The following SESTD1 variants were observed in gnomAD, a reference collection of about 807,000 sequenced individuals.
SESTD1 encodes the protein SEC14 domain and spectrin repeat-containing protein 1.
A neutral mutation model predicts 101.7 loss-of-function variants in SESTD1; 43 were observed. The ratio of observed to expected loss-of-function variants is 0.42; its 90% CI spans 0.33 to 0.55. The LOEUF (loss-of-function observed/expected upper bound fraction) is 0.55. SESTD1 is among the 20% of genes least tolerant of loss of function. The pLI, the probability that SESTD1 is intolerant of heterozygous loss-of-function variation, is 0.07. For missense variants in SESTD1, 647 were observed against 815.1 expected (o/e 0.79, Z 2.51); for synonymous variants, 283 against 286.8 (o/e 0.99, Z 0.13).
intron 3 of SESTD1, among the ~76,000 whole-genome samples, chr2:179,180,432 A>C (rs987813047): frequency 6.6e-6 from 1 of 152,160 alleles, no homozygotes; most frequent in Non-Finnish European, 1.5e-5. Flanking sequence ...AAGGAGTTAA[A>C]CATTAACAGC....
chr2:179,117,619 G>A lies in SESTD1; in HGVS notation c.1443-6C>T, dbSNP rs199693613. 5.5e-5 allele frequency: 85 copies of A among 1,554,986 alleles called. No homozygotes were observed. Among genetic ancestry groups the A allele is most frequent in the Non-Finnish European group, 6.8e-5 (79 of 1,159,538 alleles). ...CATCTACCATGTCTTCACATCTAAT[G>A]AACCCAAACATAAATTTAACTCATC... On this transcript the variant is annotated splice_region_variant and splice_polypyrimidine_tract_variant and intron_variant, in intron 13 of 17. Coordinates refer to ENST00000428443, the MANE Select transcript of SESTD1 (RefSeq NM_178123.5).
chr2:179,224,182 A>G (rs1358547700), intron 1 of SESTD1, among the ~76,000 whole-genome samples: 1 of 152,200 alleles, frequency 6.6e-6, no homozygotes, highest in East Asian at 1.9e-4. Flanking sequence ...ACCTCCAAAT[A>G]AAAATAACAA....
chr2:179,124,400 T>G lies in SESTD1; in HGVS notation c.1131A>C (p.Leu377Phe). The G allele has an allele frequency of 6.2e-7, 1 of 1,614,120 alleles. No individual in the cohort carries two copies. Among genetic ancestry groups the G allele is most frequent in the Non-Finnish European group, 8.5e-7 (1 of 1,179,994 alleles). ...ASQLEFRQNL[L>F]QAALEFHGVA... The stretch of plus-strand genomic sequence containing the variant: ...CACCATGAAATTCAAGAGCTGCTTG[T>G]AAGAGATTTTGCCTAAATTCCAGCT... The change falls in exon 11 of 18, where the codon TTA (leucine) becomes TTC (phenylalanine). Residue 377 changes from leucine to phenylalanine, a missense_variant. Leu to Phe is a conservative substitution (Grantham distance 22). Transcript: ENST00000428443.
At chr2:179,261,123 C>T (rs1374646817) in intron 1 of SESTD1, among the ~76,000 whole-genome samples, 2 of 152,220 alleles carry the variant, frequency 1.3e-5, no homozygotes, top group Admixed American at 6.5e-5. Flanking sequence ...GGTTGAATCA[C>T]TCTGACTCTG....
chr2:179,203,530 G>C (rs970610752), intron 1 of SESTD1, among the ~76,000 whole-genome samples: 1 of 134,282 alleles, frequency 7.4e-6, no homozygotes, highest in African/African-American at 3.0e-5. Context: ...AGGTCCCCAT[G>C]CCTCCTCCCC....
intron 3 of SESTD1, among the ~76,000 whole-genome samples, chr2:179,181,843 T>A (rs541087827): frequency 2.0e-5 from 3 of 152,262 alleles, no homozygotes; most frequent in African/African-American, 7.2e-5. Flanking sequence ...AAGTTAGCAA[T>A]CCACAGCTTG....
At chr2:179,187,302 A>C (rs2046247688) in intron 2 of SESTD1, among the ~76,000 whole-genome samples, 2 of 152,182 alleles carry the variant, frequency 1.3e-5, no homozygotes, top group South Asian at 4.1e-4. Context: ...CACCCCACTT[A>C]AAAGACACCA....
chr2:179,117,721 C>G, intron 13 of SESTD1, 108 bp from the exon 14 acceptor site: 1 of 779,754 alleles, frequency 1.3e-6, no homozygotes, highest in Non-Finnish European at 1.9e-6. Context: ...ATACTTAGTC[C>G]TAAACAATGG....
At chr2:179,197,957 C>A (rs538388907) in intron 1 of SESTD1, among the ~76,000 whole-genome samples, 106 of 151,668 alleles carry the variant, frequency 7.0e-4, no homozygotes, top group African/African-American at 2.5e-3. Context: ...TCACACATAA[C>A]AATATTAACT....
Position 179,224,429 on chromosome 2 carries a change from T to G in SESTD1, c.-25-32563A>C, listed in dbSNP as rs78519235. 2.4e-3 allele frequency among the ~76,000 whole-genome samples: 358 copies of G among 152,310 alleles called. 2 individuals carry two copies. Among genetic ancestry groups the G allele is most frequent in the East Asian group, 0.022 (115 of 5,184 alleles). On this transcript the variant is annotated intron_variant, in intron 1 of 17. Transcript: ENST00000428443. Reference sequence around the variant, plus strand: ...AGTCCAAGGATACAATATTGTGACATAAGAAATATACTCTGTATTTTGTCT... The same window carrying G: ...AGTCCAAGGATACAATATTGTGACAGAAGAAATATACTCTGTATTTTGTCT...
intron 1 of SESTD1, among the ~76,000 whole-genome samples, chr2:179,195,221 C>T (rs1437234755): frequency 6.6e-6 from 1 of 152,190 alleles, no homozygotes; most frequent in Non-Finnish European, 1.5e-5. Flanking sequence ...TTGTAATCTC[C>T]ATATGTAGAG....
chr2:179,118,859 G>T (rs1376923356), intron 13 of SESTD1, among the ~76,000 whole-genome samples: 1 of 152,154 alleles, frequency 6.6e-6, no homozygotes, highest in Non-Finnish European at 1.5e-5. Flanking sequence ...GTAGGGAGGA[G>T]CAAGTGACTA....
In SESTD1 at chr2:179,263,022, T is replaced by C. The variant is rs145871442; in HGVS notation, c.-26+1477A>G. 2.9e-3 allele frequency among the ~76,000 whole-genome samples: 447 copies of C among 152,332 alleles called. 4 individuals are homozygous for C. Among genetic ancestry groups the C allele is most frequent in the Non-Finnish European group, 2.2e-3 (148 of 68,020 alleles). ...GGTAAATGCAATCAATTCATTTTTC[T>C]AATGCTGGGGAAAAACTAGAGTGGG... On this transcript the variant is annotated intron_variant, in intron 1 of 17. Coordinates refer to ENST00000428443, the MANE Select transcript of SESTD1 (RefSeq NM_178123.5).
chr2:179,249,592 T>G (rs1574067593), intron 1 of SESTD1, among the ~76,000 whole-genome samples: 1 of 152,318 alleles, frequency 6.6e-6, no homozygotes, highest in African/African-American at 2.4e-5. Flanking sequence ...TCTCTCTGAA[T>G]TTATATGAGT....
intron 1 of SESTD1, among the ~76,000 whole-genome samples, chr2:179,221,799 G>C (rs1384579929): frequency 6.6e-6 from 1 of 151,236 alleles, no homozygotes; most frequent in Non-Finnish European, 1.5e-5. Context: ...GCACCTGTGT[G>C]GTCCCAGCTA....
At chr2:179,162,229 C>T (rs1044172000) in intron 5 of SESTD1, among the ~76,000 whole-genome samples, 2 of 150,996 alleles carry the variant, frequency 1.3e-5, no homozygotes, top group African/African-American at 4.9e-5. Flanking sequence ...GAAAGTTTTC[C>T]AATTAATATA....
At chr2:179,248,847 A>G (rs974822580) in intron 1 of SESTD1, among the ~76,000 whole-genome samples, 1 of 151,890 alleles carries the variant, frequency 6.6e-6, no homozygotes, top group Non-Finnish European at 1.5e-5. Context: ...TTGGGAGGCC[A>G]AGGTAGGAAA....
intron 1 of SESTD1, among the ~76,000 whole-genome samples, chr2:179,243,977 C>G (rs1202212030): frequency 6.6e-6 from 1 of 150,630 alleles, no homozygotes; most frequent in Non-Finnish European, 1.5e-5. Context: ...CACACACACA[C>G]ACACAAATGA....
At chr2:179,186,402 T>C (rs2046233264) in intron 2 of SESTD1, among the ~76,000 whole-genome samples, 1 of 152,154 alleles carries the variant, frequency 6.6e-6, no homozygotes, top group African/African-American at 2.4e-5. Context: ...TTCAAGTGTA[T>C]ATAAACAGTT....
Sources: gnomAD v4.1 joint callset for allele counts (sites outside exome capture counted in the v4.1 genomes callset) on GRCh38, gnomAD v4.1.1 for gene constraint, MANE v1.5 for transcripts, NCBI Gene and HGNC (gene_info 2026-07-23, HGNC 2026-07-21) for gene names.